SPMAP2L: variants seen among roughly 807,000 people sequenced by gnomAD.
SPMAP2L encodes sperm microtubule associated protein 2-like.
the SPMAP2L span, among the ~76,000 whole-genome samples, chr4:56,567,383 C>CA: frequency 6.7e-6 from 1 of 149,646 alleles, no homozygotes; most frequent in Non-Finnish European, 1.5e-5. Context: ...TCTCCTGCCT[C>CA]AGCCTCCCAA....
At chr4:56,603,346 G>A in the SPMAP2L span, 1 of 1,502,856 alleles carries the variant, frequency 6.7e-7, no homozygotes, top group African/African-American at 1.4e-5. Flanking sequence ...ACAACAGTCA[G>A]ACCCTGGTTA....
chr4:56,557,802 C>T, the SPMAP2L span: 1 of 152,090 alleles, frequency 6.6e-6, no homozygotes, highest in African/African-American at 2.4e-5. Context: ...GGATATGGAC[C>T]ATAGAAGATT....
the SPMAP2L span, among the ~76,000 whole-genome samples, chr4:56,617,298 A>C: frequency 6.6e-6 from 1 of 152,230 alleles, no homozygotes; most frequent in South Asian, 2.1e-4. Context: ...GTAGAAATAC[A>C]ATATTATAAT....
At chr4:56,594,310 C>T in the SPMAP2L span, 1 of 1,526,260 alleles carries the variant, frequency 6.6e-7, no homozygotes, top group Non-Finnish European at 9.1e-7. Context: ...TTGTTCACAG[C>T]ATGATTCCAC....
the SPMAP2L span, among the ~76,000 whole-genome samples, chr4:56,615,485 G>A: frequency 0.03 from 4,585 of 152,198 alleles, 206 homozygotes; most frequent in African/African-American, 0.096. Flanking sequence ...AGTGGGACAC[G>A]CCTGTAATCC....
chr4:56,594,019 T>TC, the SPMAP2L span: 1 of 1,611,400 alleles, frequency 6.2e-7, no homozygotes, highest in Non-Finnish European at 8.5e-7. Flanking sequence ...GCAGGGCCGC[T>TC]CAGCGGCAGA....
the SPMAP2L span, among the ~76,000 whole-genome samples, chr4:56,539,541 C>G: frequency 6.6e-6 from 1 of 152,162 alleles, no homozygotes; most frequent in Non-Finnish European, 1.5e-5. Flanking sequence ...CCTGCCTCAG[C>G]CTCCTGAGTA....
the SPMAP2L span, among the ~76,000 whole-genome samples, chr4:56,534,349 C>A: frequency 2.6e-5 from 4 of 152,288 alleles, no homozygotes; most frequent in East Asian, 7.7e-4. Context: ...TTCTGGGATG[C>A]CTCTACCTCT....
chr4:56,584,649 A>G, the SPMAP2L span: 1 of 1,328,624 alleles, frequency 7.5e-7, no homozygotes, highest in Admixed American at 2.0e-5. Context: ...TTCCTGATTG[A>G]CTTGTAACAT....
the SPMAP2L span, among the ~76,000 whole-genome samples, chr4:56,556,411 G>A: frequency 6.6e-6 from 1 of 152,140 alleles, no homozygotes; most frequent in African/African-American, 2.4e-5. Flanking sequence ...TTATGACTGC[G>A]AAAGAAAATA....
At chr4:56,532,936 T>A in the SPMAP2L span, among the ~76,000 whole-genome samples, 1 of 151,306 alleles carries the variant, frequency 6.6e-6, no homozygotes, top group East Asian at 2.0e-4. Context: ...ATGTCTTAGC[T>A]TTCCAGCTCA....
At chr4:56,613,534 G>A in the SPMAP2L span, among the ~76,000 whole-genome samples, 9 of 152,242 alleles carry the variant, frequency 5.9e-5, no homozygotes, top group South Asian at 1.0e-3. Flanking sequence ...TCAGGCAGGC[G>A]GACATCAAAG....
chr4:56,619,980 G>C, the SPMAP2L span, among the ~76,000 whole-genome samples: 1 of 152,248 alleles, frequency 6.6e-6, no homozygotes, highest in South Asian at 2.1e-4. Flanking sequence ...GAATGTCATA[G>C]GCAGCTCTAC....
the SPMAP2L span, among the ~76,000 whole-genome samples, chr4:56,565,084 T>C: frequency 4.6e-5 from 7 of 152,250 alleles, no homozygotes; most frequent in African/African-American, 1.7e-4. Context: ...TCCCAGATTA[T>C]GATCTATCTT....
chr4:56,530,996 A>G, the SPMAP2L span: 1 of 1,535,168 alleles, frequency 6.5e-7, no homozygotes, highest in Non-Finnish European at 8.7e-7. Context: ...CATGGGCCCC[A>G]TGCAGCCCCC....
At chr4:56,621,962 G>T in the SPMAP2L span, among the ~76,000 whole-genome samples, 2 of 152,146 alleles carry the variant, frequency 1.3e-5, no homozygotes, top group East Asian at 3.8e-4. Context: ...ACACCACAAC[G>T]AGTGGACCCT....
At chr4:56,552,102 G>A in the SPMAP2L span, among the ~76,000 whole-genome samples, 1 of 152,204 alleles carries the variant, frequency 6.6e-6, no homozygotes. Context: ...GCAGAGTGAG[G>A]CACAGAGGGG....
the SPMAP2L span, among the ~76,000 whole-genome samples, chr4:56,543,924 GTA>G: frequency 7.3e-3 from 799 of 108,710 alleles, no homozygotes; most frequent in East Asian, 9.3e-3. Flanking sequence ...GTGTGTGTGT[GTA>G]TGTGAGAGAG....
chr4:56,593,963 G>A, the SPMAP2L span: 8 of 1,609,398 alleles, frequency 5.0e-6, no homozygotes, highest in Non-Finnish European at 6.8e-6. Context: ...CGTGTTCTTT[G>A]ATACCTTGAA....
Sources: allele counts gnomAD v4.1 joint callset (sites outside exome capture counted in the v4.1 genomes callset), GRCh38; gene constraint gnomAD v4.1.1; transcripts MANE v1.5; gene names NCBI Gene and HGNC (gene_info 2026-07-23, HGNC 2026-07-21).